The following RBFOX1 variants were observed in gnomAD, a reference collection of about 807,000 sequenced individuals.
RBFOX1 encodes the protein RNA binding protein fox-1 homolog 1.
A neutral mutation model predicts 57.7 loss-of-function variants in RBFOX1; 8 were observed. The ratio of observed to expected loss-of-function variants is 0.14; its 90% confidence interval spans 0.08 to 0.25. RBFOX1 has a LOEUF of 0.25. Ranked by LOEUF, RBFOX1 falls within the 10% of genes least tolerant of loss-of-function variation. RBFOX1 has a pLI of 1.00. For missense variants in RBFOX1, 611 were observed against 548.5 expected (o/e 1.11, Z -1.14); for synonymous variants, 326 against 222.4 (o/e 1.47, Z -4.15).
At chr16:7,313,257 T>G (rs1250416467) in intron 4 of RBFOX1, among the ~76,000 whole-genome samples, 1 of 152,162 alleles carries the variant, frequency 6.6e-6, no homozygotes, top group Non-Finnish European at 1.5e-5. Context: ...ATTTTTTGTT[T>G]GTTTGTTTGC....
intron 3 of RBFOX1, among the ~76,000 whole-genome samples, chr16:5,629,725 A>G (rs943148597): frequency 6.6e-6 from 1 of 151,896 alleles, no homozygotes; most frequent in Non-Finnish European, 1.5e-5. Flanking sequence ...TGTTTCTCCA[A>G]CTCTTGTATT....
At chr16:7,571,795 G>A (rs1027876964) in intron 5 of RBFOX1, among the ~76,000 whole-genome samples, 1 of 150,726 alleles carries the variant, frequency 6.6e-6, no homozygotes, top group African/African-American at 2.4e-5. Context: ...CTGTTTGATG[G>A]GGAGGCTGCG....
intron 1 of RBFOX1, among the ~76,000 whole-genome samples, chr16:6,177,876 C>T (rs1460478963): frequency 6.8e-6 from 1 of 146,406 alleles, no homozygotes; most frequent in Non-Finnish European, 1.5e-5. Flanking sequence ...CTACATCCAT[C>T]TAATTCAGGA....
At chr16:6,461,031 C>T (rs1248052264) in intron 2 of RBFOX1, among the ~76,000 whole-genome samples, 1 of 152,042 alleles carries the variant, frequency 6.6e-6, no homozygotes, top group African/African-American at 2.4e-5. Context: ...CATGCTCTCA[C>T]TTATAAGTGG....
chr16:7,510,518 C>T lies in RBFOX1; in HGVS notation c.28-7629C>T, dbSNP rs930187929. Among the ~76,000 whole-genome samples, 1,264 of 136,186 alleles carry T rather than the reference C, an allele frequency of 9.3e-3. 10 individuals are homozygous for T. Among genetic ancestry groups the T allele is most frequent in the East Asian group, 0.045 (215 of 4,732 alleles). The allele number at this position is 136,186 out of a possible 152,430, so 89.3% of individuals were successfully genotyped here. A position where few individuals can be genotyped will look rare whatever the true frequency, so the allele number is the denominator to read the frequency against. ...GTGTGTGTGTGTGTGTGTGGGCGCG[C>T]GCGCACGCGCGCACGCGCGCTTTCT... On this transcript the variant is annotated intron_variant, in intron 4 of 15. Coordinates refer to ENST00000550418, the MANE Select transcript of RBFOX1 (RefSeq NM_018723.4).
At chr16:5,618,335 T>TG (rs1236140952) in intron 3 of RBFOX1, among the ~76,000 whole-genome samples, 12 of 127,288 alleles carry the variant, frequency 9.4e-5, no homozygotes, top group Non-Finnish European at 1.9e-4. Context: ...GCAGATTTTT[T>TG]TTTTTTGTGT....
At chr16:5,509,307 G>A (rs1262071199) in intron 2 of RBFOX1, among the ~76,000 whole-genome samples, 1 of 152,186 alleles carries the variant, frequency 6.6e-6, no homozygotes, top group East Asian at 1.9e-4. Context: ...ATCACAGACA[G>A]GGGATGTCCC....
rs116319000 is a variant in RBFOX1 at position 6,933,323 on chromosome 16, C to T, written c.-15-118734C>T. Among the ~76,000 whole-genome samples the T allele has an allele frequency of 5.7e-3, 869 of 152,342 alleles. 9 individuals are homozygous for T. The highest frequency in any genetic ancestry group is 0.02 in the African/African-American group (839 of 41,570). On this transcript the variant is annotated intron_variant, in intron 3 of 15. Coordinates refer to ENST00000550418, the MANE Select transcript of RBFOX1 (RefSeq NM_018723.4). ...TTTTTAGTAACCGACATACTCTTTT[C>T]CGTAGCACTGCATCATTTTGCATTT...
intron 14 of RBFOX1, among the ~76,000 whole-genome samples, chr16:7,701,814 G>A (rs956604635): frequency 6.6e-6 from 1 of 152,192 alleles, no homozygotes; most frequent in Non-Finnish European, 1.5e-5. Context: ...GTTGACCCTT[G>A]TAGAGTGAAA....
chr16:7,127,205 C>G (rs375796807), intron 4 of RBFOX1, among the ~76,000 whole-genome samples: 1 of 151,924 alleles, frequency 6.6e-6, no homozygotes, highest in Admixed American at 6.6e-5. Context: ...CAAATGCCTC[C>G]GAAAGCATAA....
chr16:5,399,631 G>T (rs553096575), intron 1 of RBFOX1, among the ~76,000 whole-genome samples: 8 of 152,180 alleles, frequency 5.3e-5, no homozygotes, highest in Non-Finnish European at 1.2e-4. Flanking sequence ...TACTGAAAGG[G>T]ATGATGAGGT....
At chr16:6,283,559 CA>C (rs748367072) in intron 1 of RBFOX1, among the ~76,000 whole-genome samples, 4 of 151,958 alleles carry the variant, frequency 2.6e-5, no homozygotes, top group Non-Finnish European at 5.9e-5. Flanking sequence ...CAAAAACAAG[CA>C]AAAATTAAAA....
chr16:7,237,038 T>C (rs1465592566), intron 4 of RBFOX1, among the ~76,000 whole-genome samples: 1 of 152,186 alleles, frequency 6.6e-6, no homozygotes, highest in Non-Finnish European at 1.5e-5. Flanking sequence ...GCATCACCCA[T>C]CAGCAAGAGA....
intron 2 of RBFOX1, among the ~76,000 whole-genome samples, chr16:6,606,822 G>A (rs184824118): frequency 2.0e-4 from 30 of 152,244 alleles, no homozygotes; most frequent in Non-Finnish European, 3.7e-4. Flanking sequence ...GAACATACGC[G>A]TGCATGTATC....
intron 4 of RBFOX1, among the ~76,000 whole-genome samples, chr16:7,156,340 C>T (rs2077129321): frequency 6.6e-6 from 1 of 151,216 alleles, no homozygotes; most frequent in East Asian, 1.9e-4. Context: ...TATGTATATA[C>T]ATATCTGTAC....
chr16:6,929,826 C>T (rs1039577266), intron 3 of RBFOX1, among the ~76,000 whole-genome samples: 8 of 152,118 alleles, frequency 5.3e-5, no homozygotes, highest in African/African-American at 1.9e-4. Context: ...TGTTTTAATT[C>T]AAATATTAAA....
chr16:7,329,958 C>T (rs947900544), intron 4 of RBFOX1, among the ~76,000 whole-genome samples: 2 of 152,150 alleles, frequency 1.3e-5, no homozygotes, highest in Non-Finnish European at 2.9e-5. Context: ...TAACATTTGG[C>T]ACTGGGTATG....
At chr16:7,495,279 A>G (rs1241768277) in intron 4 of RBFOX1, among the ~76,000 whole-genome samples, 1 of 152,206 alleles carries the variant, frequency 6.6e-6, no homozygotes, top group East Asian at 1.9e-4. Flanking sequence ...TGATTAACAT[A>G]CTTGTGCAGG....
chr16:6,820,754 A>G (rs2091146584), intron 3 of RBFOX1, among the ~76,000 whole-genome samples: 1 of 152,204 alleles, frequency 6.6e-6, no homozygotes, highest in African/African-American at 2.4e-5. Flanking sequence ...TAGGCCTCAA[A>G]TCGATGCTAA....
Sources: gnomAD v4.1 joint callset for allele counts (sites outside exome capture counted in the v4.1 genomes callset) on GRCh38, gnomAD v4.1.1 for gene constraint, MANE v1.5 for transcripts, NCBI Gene and HGNC (gene_info 2026-07-23, HGNC 2026-07-21) for gene names.